The following PRIMPOL variants were observed in gnomAD, a reference collection of about 807,000 sequenced individuals.
PRIMPOL encodes the protein DNA-directed primase/polymerase protein.
A neutral mutation model predicts 63.6 loss-of-function variants in PRIMPOL; 54 were observed. The observed-to-expected ratio is 0.85, with a 90% confidence interval of 0.68 to 1.07. PRIMPOL has a LOEUF of 1.07. PRIMPOL is among the 50% of genes least tolerant of loss of function. The pLI, the probability that PRIMPOL is intolerant of heterozygous loss-of-function variation, is 0.00. For synonymous variants in PRIMPOL, 197 were observed against 220.2 expected, an observed-to-expected ratio of 0.89 and a Z score of 0.93; for missense variants, 610 against 648.3, an observed-to-expected ratio of 0.94 and a Z score of 0.64.
chr4:184,693,130 G>A (rs563024854), intron 13 of PRIMPOL, among the ~76,000 whole-genome samples: 6 of 152,200 alleles, frequency 3.9e-5, no homozygotes, highest in East Asian at 1.9e-4. Context: ...CACGTCTCTC[G>A]AAAAAACTCC....
At chr4:184,668,200 A>T (rs1275037321) in intron 6 of PRIMPOL, among the ~76,000 whole-genome samples, 1 of 152,148 alleles carries the variant, frequency 6.6e-6, no homozygotes, top group Admixed American at 6.5e-5. Flanking sequence ...CCCCACACAG[A>T]TGGTTCCAAC....
rs145470166 is a variant in PRIMPOL at position 184,685,582 on chromosome 4, G to A, written c.1193G>A (p.Arg398Gln). ...AACATTATTTGCATTTTAGGAATTC[G>A]GCGTTGGAACTACTTTTTCCCAGAA... Reference protein sequence around the residue: ...VNKDGIKGGIRRWNYFFPEEL... With the variant: ...VNKDGIKGGIQRWNYFFPEEL... The change falls in exon 11 of 14, where the codon CGG (arginine) becomes CAG (glutamine). Residue 398 changes from arginine to glutamine, a missense_variant. Arg to Gln is a conservative substitution (Grantham distance 43). Transcript: ENST00000314970. 1.6e-4 allele frequency: 263 copies of A among 1,610,508 alleles called. No homozygotes were observed. The highest frequency in any genetic ancestry group is 2.1e-4 in the Non-Finnish European group (251 of 1,177,186).
At chr4:184,692,757 G>A (rs1759155420) in intron 13 of PRIMPOL, among the ~76,000 whole-genome samples, 1 of 151,966 alleles carries the variant, frequency 6.6e-6, no homozygotes, top group Non-Finnish European at 1.5e-5. Context: ...TAATTTATGA[G>A]AGCACCTATT....
chr4:184,656,487 G>A (rs1271256209), intron 2 of PRIMPOL, among the ~76,000 whole-genome samples: 1 of 152,132 alleles, frequency 6.6e-6, no homozygotes, highest in Non-Finnish European at 1.5e-5. Context: ...TGGTTGACAT[G>A]GAAGTATTAT....
chr4:184,692,051 G>A (rs1341009286), intron 13 of PRIMPOL, among the ~76,000 whole-genome samples: 1 of 152,106 alleles, frequency 6.6e-6, no homozygotes, highest in African/African-American at 2.4e-5. Context: ...TCTAGAAGTA[G>A]AATTGTGTCA....
chr4:184,662,527 T>C (rs1302806482), intron 5 of PRIMPOL, among the ~76,000 whole-genome samples: 2 of 152,200 alleles, frequency 1.3e-5, no homozygotes, highest in East Asian at 1.9e-4. Flanking sequence ...ATAAAAGGAA[T>C]AGCATGGACT....
At chr4:184,683,567 A>G (rs1394738454) in intron 9 of PRIMPOL, among the ~76,000 whole-genome samples, 1 of 152,248 alleles carries the variant, frequency 6.6e-6, no homozygotes, top group Non-Finnish European at 1.5e-5. Context: ...AAGGCAGGTA[A>G]CCACTGCAAT....
chr4:184,650,689 C>G (rs938777486), intron 1 of PRIMPOL, among the ~76,000 whole-genome samples: 2 of 152,164 alleles, frequency 1.3e-5, no homozygotes, highest in Non-Finnish European at 2.9e-5. Context: ...ATCATTTTCG[C>G]AGAAGAATTC....
At chr4:184,667,603 C>A (rs1750439652) in intron 6 of PRIMPOL, among the ~76,000 whole-genome samples, 1 of 152,160 alleles carries the variant, frequency 6.6e-6, no homozygotes, top group Non-Finnish European at 1.5e-5. Context: ...AGCCACCGTG[C>A]CTGGCCGAAA....
rs550956044 is a variant in PRIMPOL at position 184,684,470 on chromosome 4, AT to A, written c.1097-937del. On this transcript the variant is annotated intron_variant, in intron 9 of 13. Coordinates refer to ENST00000314970, the MANE Select transcript of PRIMPOL (RefSeq NM_152683.4). ...GACTCTGTCTCAAGAAAAAAAAAAA[AT>A]TAAATGATATTTAAAATAGGTCATT... Among the ~76,000 whole-genome samples, 322 of 152,160 alleles carry A rather than the reference AT, an allele frequency of 2.1e-3. 3 individuals are homozygous for A. Among genetic ancestry groups the A allele is most frequent in the African/African-American group, 7.5e-3 (310 of 41,504 alleles).
At chr4:184,677,920 C>A (rs1169049892) in intron 7 of PRIMPOL, among the ~76,000 whole-genome samples, 1 of 152,156 alleles carries the variant, frequency 6.6e-6, no homozygotes, top group Non-Finnish European at 1.5e-5. Flanking sequence ...GAATTTAGCT[C>A]CGCACAGCTT....
At chr4:184,691,378 T>G in intron 11 of PRIMPOL, 121 bp from the exon 12 acceptor site, 4 of 651,542 alleles carry the variant, frequency 6.1e-6, no homozygotes, top group Non-Finnish European at 1.1e-5. Flanking sequence ...CTTATCCTTT[T>G]ACTTTTTAAT....
intron 13 of PRIMPOL, among the ~76,000 whole-genome samples, chr4:184,693,688 C>T (rs2150186256): frequency 6.6e-6 from 1 of 152,330 alleles, no homozygotes; most frequent in Non-Finnish European, 1.5e-5. Flanking sequence ...TGTCTGTCCT[C>T]TATTGAGATC....
chr4:184,668,450 G>A (rs372830745), intron 6 of PRIMPOL, among the ~76,000 whole-genome samples: 1 of 152,240 alleles, frequency 6.6e-6, no homozygotes, highest in African/African-American at 2.4e-5. Context: ...CATGGATGCC[G>A]TAGCTTGCAA....
At chr4:184,684,153 G>A (rs1303084095) in intron 9 of PRIMPOL, among the ~76,000 whole-genome samples, 1 of 152,034 alleles carries the variant, frequency 6.6e-6, no homozygotes, top group Admixed American at 6.6e-5. Context: ...CTAGATTCTT[G>A]TCCTTAAAAA....
chr4:184,668,803 TA>T (rs1340701865), intron 6 of PRIMPOL, among the ~76,000 whole-genome samples: 1 of 152,124 alleles, frequency 6.6e-6, no homozygotes, highest in Non-Finnish European at 1.5e-5. Context: ...AATGTTTCTC[TA>T]GGGCAGGGAC....
chr4:184,691,624 A>C, intron 12 of PRIMPOL, 42 bp from the exon 13 acceptor site: 1 of 1,599,402 alleles, frequency 6.3e-7, no homozygotes, highest in Non-Finnish European at 8.6e-7. Flanking sequence ...TAAAAATTAG[A>C]TAACTGTAAT....
intron 13 of PRIMPOL, among the ~76,000 whole-genome samples, chr4:184,693,812 A>G (rs1759700488): frequency 6.6e-6 from 1 of 152,166 alleles, no homozygotes. Context: ...CTAATATTTA[A>G]GCACGTAGCG....
intron 6 of PRIMPOL, among the ~76,000 whole-genome samples, chr4:184,671,217 T>C (rs1751508693): frequency 6.6e-6 from 1 of 152,186 alleles, no homozygotes; most frequent in Non-Finnish European, 1.5e-5. Flanking sequence ...GGATGTTAGC[T>C]CCGAGGCCGT....
Sources: gnomAD v4.1 joint callset for allele counts (sites outside exome capture counted in the v4.1 genomes callset) on GRCh38, gnomAD v4.1.1 for gene constraint, MANE v1.5 for transcripts, NCBI Gene and HGNC (gene_info 2026-07-23, HGNC 2026-07-21) for gene names.